RRM2: variants seen among roughly 807,000 people sequenced by gnomAD.
The protein encoded by RRM2 is ribonucleoside-diphosphate reductase subunit M2.
A neutral mutation model predicts 45.9 loss-of-function variants in RRM2; 6 were observed. That is an observed-to-expected ratio of 0.13 (90% CI 0.07 to 0.26). The LOEUF is 0.26. Ranked by LOEUF, RRM2 falls within the 10% of genes least tolerant of loss-of-function variation. The pLI is 1.00. For synonymous variants in RRM2, 177 were observed against 173.0 expected (o/e 1.02, Z -0.18); for missense variants, 343 against 489.5 (o/e 0.70, Z 2.82).
chr2:10,210,526 C>T (rs1399624008), exon 4 of RRM2: 1 of 1,367,432 alleles, frequency 7.3e-7, no homozygotes, highest in African/African-American at 1.5e-5. Flanking sequence ...TCAGCATATC[C>T]TTTCACTGGA....
At chr2:10,134,138 C>A (rs1433464114), downstream of RRM2, among the ~76,000 whole-genome samples, 1 of 145,432 alleles carries the variant, frequency 6.9e-6, no homozygotes, top group Non-Finnish European at 1.5e-5. Flanking sequence ...AGATTGCACT[C>A]CAGCCTGGGC....
chr2:10,144,288 C>T (rs1208676156), intron 3 of RRM2, among the ~76,000 whole-genome samples: 3 of 152,216 alleles, frequency 2.0e-5, no homozygotes, highest in African/African-American at 7.2e-5. Flanking sequence ...CTTCCAAGGT[C>T]AGAGACGAGG....
Position 10,173,250 on chromosome 2 carries a change from G to A in RRM2, n.482+30875G>A, listed in dbSNP as rs79283164. On this transcript the variant is annotated intron_variant and non_coding_transcript_variant, in intron 3 of 3. Coordinates refer to the RRM2 transcript ENST00000381786. ...GCAGGCACTCAGGGGTGTCGGCCAC[G>A]AAGATTATTCTTTCTCTTCTCTCTT... is the stretch of plus-strand genomic sequence containing the variant. Among the ~76,000 whole-genome samples the A allele has an allele frequency of 5.9e-3, 897 of 152,242 alleles. 10 individuals carry two copies. The highest frequency in any genetic ancestry group is 0.02 in the African/African-American group (847 of 41,550).
rs1664625149 is a variant in RRM2 at position 10,204,279 on chromosome 2, G to A, written n.483-6032G>A. Among the ~76,000 whole-genome samples the A allele has an allele frequency of 6.6e-6, 1 of 152,170 alleles. No individual in the cohort carries two copies. The highest frequency in any genetic ancestry group is 1.5e-5 in the Non-Finnish European group (1 of 68,036). On this transcript the variant is annotated intron_variant and non_coding_transcript_variant, in intron 3 of 3. Coordinates refer to the RRM2 transcript ENST00000381786. The surrounding 1 kb of genome is among the most constrained non-coding windows in gnomAD (Gnocchi z 4.0). Reference sequence around the variant, plus strand: ...GGAGCCCAGAAAAAGGCCCCATCCAGCCTGTGGGATCAGAGGAGCCTTCTT... The same window carrying A: ...GGAGCCCAGAAAAAGGCCCCATCCAACCTGTGGGATCAGAGGAGCCTTCTT...
chr2:10,144,153 A>G (rs1384820826), intron 3 of RRM2, among the ~76,000 whole-genome samples: 2 of 152,164 alleles, frequency 1.3e-5, no homozygotes, highest in Admixed American at 1.3e-4. Flanking sequence ...GGGCCAGGAA[A>G]TGAATGTGGA....
chr2:10,210,467 C>G, exon 4 of RRM2: 1 of 1,367,920 alleles, frequency 7.3e-7, no homozygotes, highest in African/African-American at 1.5e-5. Flanking sequence ...ATGAAGTTAT[C>G]TGGGTGGGAA....
intron 3 of RRM2, among the ~76,000 whole-genome samples, chr2:10,170,158 C>T (rs1159140448): frequency 6.6e-6 from 1 of 152,182 alleles, no homozygotes; most frequent in African/African-American, 2.4e-5. Flanking sequence ...CCTGCACCTG[C>T]CAGAACCCCT....
intron 3 of RRM2, among the ~76,000 whole-genome samples, chr2:10,160,721 C>T (rs1287624002): frequency 2.0e-5 from 3 of 152,244 alleles, no homozygotes; most frequent in Non-Finnish European, 2.9e-5. Flanking sequence ...CTGCCTGCTC[C>T]GCCCACATCT....
Position 10,130,802 on chromosome 2 carries a change from G to A in RRM2, c.*1416G>A, listed in dbSNP as rs1138727. 1.3e-5 allele frequency: 2 copies of A among 151,982 alleles called. No homozygotes were observed. Among genetic ancestry groups the A allele is most frequent in the Non-Finnish European group, 2.9e-5 (2 of 68,022 alleles). The allele number at this position is 151,982 out of a possible 1,614,324, so 9.4% of individuals were successfully genotyped here. A position where few individuals can be genotyped will look rare whatever the true frequency, so the allele number is the denominator to read the frequency against. The stretch of plus-strand genomic sequence containing the variant: ...GTGCTACCACACCTGGCTAATTTTT[G>A]TATTTTTAGTAGAGATGGAGTTTCA... On this transcript the variant is annotated 3_prime_UTR_variant, in exon 10 of 10. Coordinates refer to ENST00000304567, the MANE Select transcript of RRM2 (RefSeq NM_001034.4).
upstream of RRM2, among the ~76,000 whole-genome samples, chr2:10,137,142 G>T (rs193026257): frequency 2.6e-5 from 4 of 152,226 alleles, no homozygotes; most frequent in African/African-American, 9.6e-5. Flanking sequence ...CACAGCCACC[G>T]TGGGGCAGAG....
intron 5 of RRM2, among the ~76,000 whole-genome samples, chr2:10,125,114 A>G (rs1291202564): frequency 6.6e-6 from 1 of 152,220 alleles, no homozygotes; most frequent in African/African-American, 2.4e-5. Flanking sequence ...GATGTTGGGT[A>G]AGACAAACTA....
intron 3 of RRM2, among the ~76,000 whole-genome samples, chr2:10,192,024 T>G (rs1348899658): frequency 6.6e-6 from 1 of 152,086 alleles, no homozygotes; most frequent in Non-Finnish European, 1.5e-5. Flanking sequence ...GAGGATTTCA[T>G]GGAGGCCAGA....
chr2:10,148,260 T>A (rs1198950064), intron 3 of RRM2, among the ~76,000 whole-genome samples: 2 of 142,364 alleles, frequency 1.4e-5, no homozygotes, highest in African/African-American at 5.3e-5. Flanking sequence ...GGTTTATATT[T>A]ATATATGTCC....
At position 10,126,978 on chromosome 2, in the gene RRM2, AC is replaced by A; in HGVS notation, c.664+12del. 1.2e-6 allele frequency: 2 copies of A among 1,612,448 alleles called. No individual in the cohort carries two copies. Among genetic ancestry groups the A allele is most frequent in the Admixed American group, 1.7e-5 (1 of 59,902 alleles). ...CAAAGAGGCTACCTATGGTAAGGAG[AC>A]CCTTGCCCCTACTTAAACCTGAGCT... On this transcript the variant is annotated intron_variant, in intron 6 of 9. Transcript: ENST00000304567.
At chr2:10,180,868 G>A (rs1250590111) in intron 3 of RRM2, among the ~76,000 whole-genome samples, 1 of 152,168 alleles carries the variant, frequency 6.6e-6, no homozygotes, top group African/African-American at 2.4e-5. Flanking sequence ...CCAGGTTCAA[G>A]CGATTCTTGT....
chr2:10,204,324 G>A lies in RRM2; in HGVS notation n.483-5987G>A, dbSNP rs187617350. Among the ~76,000 whole-genome samples the A allele has an allele frequency of 2.0e-5, 3 of 152,318 alleles. No individual in the cohort carries two copies. The highest frequency in any genetic ancestry group is 4.4e-5 in the Non-Finnish European group (3 of 68,028). ...CTTCTTGGAGGAGGTGATGCTGGGC[G>A]AGTGTTAAAGGATACCTAGGCATCA... On this transcript the variant is annotated intron_variant and non_coding_transcript_variant, in intron 3 of 3. Transcript: ENST00000381786. The surrounding 1 kb of genome is among the most constrained non-coding windows in gnomAD (Gnocchi z 4.0).
intron 3 of RRM2, among the ~76,000 whole-genome samples, chr2:10,199,510 G>GCACA (rs1664492063): frequency 6.6e-6 from 1 of 151,934 alleles, no homozygotes; most frequent in African/African-American, 2.4e-5. Flanking sequence ...GGCCAGGTGT[G>GCACA]GTGGCTCACA....
chr2:10,167,513 C>T (rs930274872), intron 3 of RRM2, among the ~76,000 whole-genome samples: 3 of 152,192 alleles, frequency 2.0e-5, no homozygotes, highest in East Asian at 1.9e-4. Context: ...CTGCACGCTG[C>T]GCCCTGCCTT....
chr2:10,122,828 C>T lies in RRM2; in HGVS notation c.30C>T (p.Pro10=), dbSNP rs748539978. The T allele has an allele frequency of 3.8e-6, 6 of 1,599,508 alleles. No individual in the cohort carries two copies. The highest frequency in any genetic ancestry group is 2.7e-5 in the African/African-American group (2 of 74,806). The change falls in exon 1 of 10, where the codon CCC becomes CCT. Residue 10 remains proline, a synonymous_variant. Transcript: ENST00000304567. ...TCTCCCTCCGTGTCCCGCTCGCGCC[C>T]ATCACGGACCCGCAGCAGCTGCAGC... MLSLRVPLA[P]ITDPQQLQLS... is the part of the protein sequence containing the mutation.
Sources: gnomAD v4.1 joint callset for allele counts (sites outside exome capture counted in the v4.1 genomes callset) on GRCh38, gnomAD v4.1.1 for gene constraint, Gnocchi (gnomAD v3.1) non-coding constraint, MANE v1.5 for transcripts, NCBI Gene and HGNC (gene_info 2026-07-23, HGNC 2026-07-21) for gene names.